The following DSCAML1 variants were observed in gnomAD, a reference collection of about 807,000 sequenced individuals.
DSCAML1 encodes the protein cell adhesion molecule DSCAML1.
A neutral mutation model predicts 200.5 loss-of-function variants in DSCAML1; 38 were observed. The ratio of observed to expected loss-of-function variants is 0.19; its 90% CI spans 0.15 to 0.25. DSCAML1 has a LOEUF of 0.25. DSCAML1 is among the 10% of genes least tolerant of loss of function. The probability of loss-of-function intolerance (pLI) is 1.00; values close to 1 mark genes in which losing one functional copy is unlikely to be tolerated. For missense variants in DSCAML1, 2,223 were observed against 2,858.8 expected (o/e 0.78, Z 5.07); for synonymous variants, 1,215 against 1,165.0 (o/e 1.04, Z -0.87).
At chr11:117,636,352 A>T (rs2052283155) in intron 3 of DSCAML1, among the ~76,000 whole-genome samples, 1 of 152,232 alleles carries the variant, frequency 6.6e-6, no homozygotes, top group African/African-American at 2.4e-5. Context: ...AAATCCTATT[A>T]AACAATTCCC....
chr11:117,471,446 AC>A (rs2048683731), intron 15 of DSCAML1, among the ~76,000 whole-genome samples: 1 of 152,252 alleles, frequency 6.6e-6, no homozygotes, highest in South Asian at 2.1e-4. Flanking sequence ...TGCTGTGATT[AC>A]AGGCATAAGC....
At chr11:117,450,916 A>C (rs2048270714) in intron 19 of DSCAML1, among the ~76,000 whole-genome samples, 1 of 152,212 alleles carries the variant, frequency 6.6e-6, no homozygotes, top group South Asian at 2.1e-4. Context: ...AGGCCCTTGG[A>C]GTGCCAGCTT....
intron 3 of DSCAML1, among the ~76,000 whole-genome samples, chr11:117,572,870 C>A (rs1394169056): frequency 6.6e-6 from 1 of 152,220 alleles, no homozygotes; most frequent in Non-Finnish European, 1.5e-5. Context: ...GAGAGCCCTG[C>A]TCTCTCAGAA....
At chr11:117,428,829 T>C (rs1161625681) in intron 32 of DSCAML1, 26 bp from the exon 33 acceptor site, 1 of 1,557,720 alleles carries the variant, frequency 6.4e-7, no homozygotes, top group South Asian at 1.2e-5. Context: ...CAGAGGATGT[T>C]ACAGAGAGTC....
intron 3 of DSCAML1, among the ~76,000 whole-genome samples, chr11:117,582,570 T>G (rs1248585068): frequency 1.3e-5 from 2 of 152,144 alleles, no homozygotes; most frequent in African/African-American, 4.8e-5. Context: ...TGGGTAAGCA[T>G]GGGGGAGAAA....
rs537634850 is a variant in DSCAML1 at position 117,492,339 on chromosome 11, C to A, written c.2360-10177G>T. Among the ~76,000 whole-genome samples the A allele has an allele frequency of 1.4e-3, 215 of 152,280 alleles. 2 individuals carry two copies. The highest frequency in any genetic ancestry group is 4.8e-3 in the African/African-American group (201 of 41,550). ...CTAACTGAAATCTCTCCGGGACTCT[C>A]ATAGTGCTTTTCGCCAAAAAAGATG... On this transcript the variant is annotated intron_variant, in intron 11 of 32. Coordinates refer to ENST00000651296, the MANE Select transcript of DSCAML1 (RefSeq NM_020693.4).
rs750535293 is a variant in DSCAML1 at position 117,472,009 on chromosome 11, C to T, written c.2813G>A (p.Arg938His). Residue 938 changes from arginine (R) to histidine (H), a missense_variant, in exon 15 of 33, where the codon CGC becomes CAC. Arg to His is a conservative substitution (Grantham distance 29). Transcript: ENST00000651296. The part of the protein sequence containing the change: ...SDSWDFKQST[R>H]NISPTINQAN... ...CTGGTTGATGGTGGGGGAGATGTTG[C>T]GTGTGGACTGCTTGAAGTCCCAGGA... 3.2e-5 allele frequency: 51 copies of T among 1,614,048 alleles called. No individual in the cohort carries two copies. Among genetic ancestry groups the T allele is most frequent in the Admixed American group, 5.0e-5 (3 of 59,996 alleles).
intron 3 of DSCAML1, among the ~76,000 whole-genome samples, chr11:117,614,979 C>T (rs563675883): frequency 6.6e-6 from 1 of 152,298 alleles, no homozygotes; most frequent in South Asian, 2.1e-4. Flanking sequence ...AATAGATAAT[C>T]AGAGGGCACA....
At chr11:117,491,520 C>T (rs1455265474) in intron 11 of DSCAML1, among the ~76,000 whole-genome samples, 1 of 152,190 alleles carries the variant, frequency 6.6e-6, no homozygotes, top group East Asian at 1.9e-4. Context: ...AATCCCAGCA[C>T]TTTGGGAGGC....
intron 3 of DSCAML1, among the ~76,000 whole-genome samples, chr11:117,714,055 C>T (rs1054592801): frequency 1.3e-5 from 2 of 152,164 alleles, no homozygotes; most frequent in Admixed American, 6.5e-5. Flanking sequence ...TTCCTGAGTC[C>T]GCGTTTCTGC....
chr11:117,452,363 G>T (rs2048299387), intron 19 of DSCAML1, among the ~76,000 whole-genome samples: 1 of 152,104 alleles, frequency 6.6e-6, no homozygotes, highest in Non-Finnish European at 1.5e-5. Flanking sequence ...AGAACAAAGG[G>T]TTCCTCTTTA....
At chr11:117,561,599 G>T (rs1180385053) in intron 3 of DSCAML1, among the ~76,000 whole-genome samples, 2 of 151,930 alleles carry the variant, frequency 1.3e-5, no homozygotes, top group Admixed American at 6.6e-5. Context: ...CTCTCCTCTG[G>T]GCCTTTGCAT....
At chr11:117,769,189 TATATTTTA>T (rs1371243431) in intron 3 of DSCAML1, among the ~76,000 whole-genome samples, 11 of 27,270 alleles carry the variant, frequency 4.0e-4, no homozygotes, top group Non-Finnish European at 9.2e-4. Context: ...ATTATACATA[TATATTTTA>T]TATATATTAT....
At chr11:117,604,542 TTC>T (rs1274993514) in intron 3 of DSCAML1, among the ~76,000 whole-genome samples, 1 of 152,168 alleles carries the variant, frequency 6.6e-6, no homozygotes, top group African/African-American at 2.4e-5. Flanking sequence ...TTTGAAGGAA[TTC>T]TCTCTCGGCC....
intron 3 of DSCAML1, among the ~76,000 whole-genome samples, chr11:117,752,373 G>C (rs1591472579): frequency 6.6e-6 from 1 of 152,182 alleles, no homozygotes; most frequent in East Asian, 1.9e-4. Flanking sequence ...AATAGAGAGG[G>C]AGGGGCTGGG....
At chr11:117,550,313 GC>G (rs2137389896) in intron 3 of DSCAML1, among the ~76,000 whole-genome samples, 1 of 152,280 alleles carries the variant, frequency 6.6e-6, no homozygotes, top group East Asian at 1.9e-4. Context: ...AGATTCAGAA[GC>G]TTGCCTAAAG....
intron 3 of DSCAML1, among the ~76,000 whole-genome samples, chr11:117,719,401 G>A (rs549021321): frequency 6.6e-6 from 1 of 152,212 alleles, no homozygotes; most frequent in Non-Finnish European, 1.5e-5. Context: ...CCGAGATTGC[G>A]CCACTGTACT....
intron 19 of DSCAML1, among the ~76,000 whole-genome samples, chr11:117,451,740 A>T (rs1329874056): frequency 6.6e-6 from 1 of 151,948 alleles, no homozygotes; most frequent in Admixed American, 6.5e-5. Context: ...ACTTGAACAC[A>T]GGAGGCGGAG....
intron 3 of DSCAML1, among the ~76,000 whole-genome samples, chr11:117,721,450 T>A (rs894579798): frequency 6.6e-6 from 1 of 152,142 alleles, no homozygotes; most frequent in African/African-American, 2.4e-5. Flanking sequence ...CCTCAACAGC[T>A]GACATATTAG....
Sources: allele counts gnomAD v4.1 joint callset (sites outside exome capture counted in the v4.1 genomes callset), GRCh38; gene constraint gnomAD v4.1.1; transcripts MANE v1.5; gene names NCBI Gene and HGNC (gene_info 2026-07-23, HGNC 2026-07-21).